Variants in CIITA observed in about 807,000 individuals in gnomAD.
CIITA encodes the protein class II major histocompatibility complex transactivator, also known as MHC class II transactivator.
CIITA carries 72 observed loss-of-function variants against 115.1 expected under a neutral mutation model. The ratio of observed to expected loss-of-function variants is 0.63; its 90% CI spans 0.52 to 0.76. The LOEUF is 0.76. Among genes scored for constraint, CIITA ranks in the 30% least tolerant of loss-of-function variants. The pLI, the probability that CIITA is intolerant of heterozygous loss-of-function variation, is 0.00. For synonymous variants in CIITA, 763 were observed against 635.6 expected, an observed-to-expected ratio of 1.20 and a Z score of -3.02; for missense variants, 1,617 against 1,463.8, an observed-to-expected ratio of 1.10 and a Z score of -1.71.
chr16:10,870,944 A>C (rs2035441300), intron 1 of CIITA, among the ~76,000 whole-genome samples: 1 of 152,190 alleles, frequency 6.6e-6, no homozygotes, highest in Admixed American at 6.5e-5. Context: ...CAATATCTAG[A>C]CACCTACCCC....
intron 1 of CIITA, among the ~76,000 whole-genome samples, chr16:10,867,258 A>G (rs2035139535): frequency 6.8e-6 from 1 of 146,958 alleles, no homozygotes; most frequent in Admixed American, 6.7e-5. Context: ...AAAAAAATAG[A>G]GAAATGGGGT....
At chr16:10,905,409 C>T (rs2039068783) in intron 10 of CIITA, among the ~76,000 whole-genome samples, 1 of 152,136 alleles carries the variant, frequency 6.6e-6, no homozygotes, top group Non-Finnish European at 1.5e-5. Flanking sequence ...CCCATGACCT[C>T]CCCATGGTGA....
At chr16:10,912,475 C>G (rs2039648262) in intron 13 of CIITA, among the ~76,000 whole-genome samples, 1 of 152,150 alleles carries the variant, frequency 6.6e-6, no homozygotes, top group South Asian at 2.1e-4. Context: ...GGAAGACAGA[C>G]AGTCATCATC....
At chr16:10,866,212 T>C (rs1014022679), upstream of CIITA, 1 of 431,824 alleles carries the variant, frequency 2.3e-6, no homozygotes, top group African/African-American at 2.0e-5. Flanking sequence ...TTTCACTTCA[T>C]GTTTTGGATG....
At chr16:10,922,724 C>G (rs1272023751) in intron 18 of CIITA, among the ~76,000 whole-genome samples, 1 of 152,304 alleles carries the variant, frequency 6.6e-6, no homozygotes, top group Middle Eastern at 3.4e-3. Flanking sequence ...GCTCTTATAA[C>G]AACAGTAGCT....
chr16:10,902,931 A>T, intron 8 of CIITA, 130 bp downstream of exon 8: 1 of 1,146,724 alleles, frequency 8.7e-7, no homozygotes, highest in Non-Finnish European at 1.3e-6. Flanking sequence ...CCTCCCCAGC[A>T]CAACTTTCTC....
rs568121516 is a variant in CIITA, at chr16:10,915,984, C to G, written c.2969+334C>G. On this transcript the variant is annotated intron_variant, in intron 14 of 19. Transcript: ENST00000324288. ...CCAGTGACAAAAAAAGTTGTAGATC[C>G]TTTCGTGACCTTTGAAACTCCTTTC... Among the ~76,000 whole-genome samples the G allele has an allele frequency of 2.0e-5, 3 of 152,272 alleles. No homozygotes were observed. In the East Asian group the frequency reaches 5.8e-4, roughly 29 times the overall value.
At chr16:10,893,804 TAAAAAAA>T (rs71136603) in intron 1 of CIITA, among the ~76,000 whole-genome samples, 34 of 32,168 alleles carry the variant, frequency 1.1e-3, no homozygotes, top group African/African-American at 2.3e-3. Flanking sequence ...GACTCCGTCT[TAAAAAAA>T]AAAAAAAAAA....
intron 16 of CIITA, among the ~76,000 whole-genome samples, chr16:10,921,134 T>C (rs1043391928): frequency 1.3e-5 from 2 of 152,210 alleles, no homozygotes; most frequent in African/African-American, 4.8e-5. Context: ...TCCAAAGTGT[T>C]AGGATTACAG....
At chr16:10,939,229 C>T (rs2041068787), downstream of CIITA, 1 of 152,276 alleles carries the variant, frequency 6.6e-6, no homozygotes, top group African/African-American at 2.4e-5. This position sits in a 1 kb window ranked among gnomAD's most constrained non-coding sequence, Gnocchi z 4.9. Flanking sequence ...AAACTCCCCT[C>T]ATCCAAGCCT....
intron 1 of CIITA, among the ~76,000 whole-genome samples, chr16:10,884,437 CAAAGT>C (rs977058597): frequency 6.6e-6 from 1 of 152,170 alleles, no homozygotes; most frequent in African/African-American, 2.4e-5. Context: ...ATTTATGAGA[CAAAGT>C]CTCACTCTGT....
chr16:10,902,253 G>C (rs1192581220), intron 7 of CIITA, 69 bp downstream of exon 7: 19 of 1,594,698 alleles, frequency 1.2e-5, no homozygotes, highest in African/African-American at 2.7e-5. Context: ...TTGACACTAA[G>C]GCAGGGACTG....
chr16:10,941,804 C>T lies in CIITA; in HGVS notation n.930C>T, dbSNP rs972512520. On this transcript the variant is annotated non_coding_transcript_exon_variant, in exon 2 of 2. Transcript: ENST00000573379. This position sits in a 1 kb window ranked among gnomAD's most constrained non-coding sequence, Gnocchi z 6.4. Reference sequence around the variant, plus strand: ...GGGTCGGAGAGCACGCCGAGGTCCACGAGCGCCTGGTCCATGTCCTCGGGC... The same window carrying T: ...GGGTCGGAGAGCACGCCGAGGTCCATGAGCGCCTGGTCCATGTCCTCGGGC... The T allele has an allele frequency of 6.2e-7, 1 of 1,613,600 alleles. No individual in the cohort carries two copies. The highest frequency in any genetic ancestry group is 8.5e-7 in the Non-Finnish European group (1 of 1,179,848).
chr16:10,900,932 A>G (rs971540387), intron 5 of CIITA, among the ~76,000 whole-genome samples: 1 of 152,108 alleles, frequency 6.6e-6, no homozygotes, highest in African/African-American at 2.4e-5. Flanking sequence ...GTACATTTCA[A>G]TGTACATTTC....
chr16:10,903,964 A>G (rs537922628), intron 9 of CIITA, 69 bp downstream of exon 9: 2 of 1,603,490 alleles, frequency 1.2e-6, no homozygotes, highest in Non-Finnish European at 8.5e-7. Flanking sequence ...GAATTGTCTC[A>G]AATAAGATCC....
chr16:10,868,750 G>C (rs955463987), intron 1 of CIITA, among the ~76,000 whole-genome samples: 3 of 152,076 alleles, frequency 2.0e-5, no homozygotes, highest in African/African-American at 4.8e-5. Context: ...CGAGAGTGCT[G>C]GTTCCTGTTA....
In CIITA at chr16:10,942,031, C is replaced by A. The variant is rs7193440; in HGVS notation, n.1157C>A. On this transcript the variant is annotated non_coding_transcript_exon_variant, in exon 2 of 2. Coordinates refer to the CIITA transcript ENST00000573379. This position sits in a 1 kb window ranked among gnomAD's most constrained non-coding sequence, Gnocchi z 5.0. ...GCAGCGGGTGGCAAGGGCGGCGGCC[C>A]GGCGATCCCGGCGAACTCAGCCGCT... is the stretch of plus-strand genomic sequence containing the variant. 0.12 allele frequency: 161,524 copies of A among 1,373,106 alleles called. 9,875 individuals carry two copies. Among genetic ancestry groups the A allele is most frequent in the African/African-American group, 0.19 (12,215 of 65,562 alleles). 85.1% of individuals were successfully genotyped at this position (1,373,106 alleles called of 1,614,324 possible).
chr16:10,874,684 G>C (rs78634039), upstream of CIITA, among the ~76,000 whole-genome samples: 1,892 of 152,344 alleles, frequency 0.012, 39 homozygotes, highest in African/African-American at 0.041. Context: ...AGTCAGGGAA[G>C]ATGTAGATGA....
downstream of CIITA, chr16:10,937,355 G>A: frequency 6.6e-6 from 1 of 152,460 alleles, no homozygotes; most frequent in Non-Finnish European, 1.5e-5. This position sits in a 1 kb window ranked among gnomAD's most constrained non-coding sequence, Gnocchi z 4.2. Flanking sequence ...GTGTCCCTGT[G>A]GAAGGTTTGG....
Sources: allele counts gnomAD v4.1 joint callset (sites outside exome capture counted in the v4.1 genomes callset), GRCh38; gene constraint gnomAD v4.1.1; non-coding constraint Gnocchi (gnomAD v3.1); transcripts MANE v1.5; gene names NCBI Gene and HGNC (gene_info 2026-07-23, HGNC 2026-07-21).